Variants in KIRREL3 observed in about 807,000 individuals in gnomAD.
KIRREL3 encodes the protein kin of IRRE-like protein 3.
Under a neutral mutation model 89.7 loss-of-function variants are expected in KIRREL3, and 36 were observed. The observed-to-expected ratio is 0.40, with a 90% CI of 0.31 to 0.53. The LOEUF is 0.53. Ranked by LOEUF, KIRREL3 falls within the 20% of genes least tolerant of loss-of-function variation. The pLI is 0.49. For synonymous variants in KIRREL3, 445 were observed against 441.4 expected (o/e 1.01, Z -0.10); for missense variants, 864 against 1,056.6 (o/e 0.82, Z 2.53).
chr11:126,523,091 C>A lies in KIRREL3; in HGVS notation c.284-1627G>T, dbSNP rs1958646204. On this transcript the variant is annotated intron_variant, in intron 3 of 16. Coordinates refer to ENST00000525144, the MANE Select transcript of KIRREL3 (RefSeq NM_032531.4). This position sits in a 1 kb window ranked among gnomAD's most constrained non-coding sequence, Gnocchi z 4.9. ...CCTGAGCTCCCAAGGGCAGCACCAG[C>A]ACCAACAGGCAGAATTCACATGGGG... is the stretch of plus-strand genomic sequence containing the variant. Among the ~76,000 whole-genome samples, 1 of 152,202 alleles carries A rather than the reference C, an allele frequency of 6.6e-6. No homozygotes were observed.
At position 126,803,923 on chromosome 11, in the gene KIRREL3, C is replaced by T. The variant is rs1235793041; in HGVS notation, c.55+196532G>A. On this transcript the variant is annotated intron_variant, in intron 1 of 16. Transcript: ENST00000525144. ...TAATAACATCAAATTGGAAGCGGGC[C>T]CTTTGTGGTCAGACATAGCTGAGTG... Among the ~76,000 whole-genome samples, 4 of 152,162 alleles carry T rather than the reference C, an allele frequency of 2.6e-5. No individual in the cohort carries two copies. The East Asian group carries it at 7.7e-4, about 29-fold the overall frequency.
rs534684098 is a variant in KIRREL3 at position 126,515,140 on chromosome 11, G to T, written c.433+6175C>A. On this transcript the variant is annotated intron_variant, in intron 4 of 16. Coordinates refer to ENST00000525144, the MANE Select transcript of KIRREL3 (RefSeq NM_032531.4). This position sits in a 1 kb window ranked among gnomAD's most constrained non-coding sequence, Gnocchi z 4.2. ...GACCTGTAATCAAGGTGCATAAGGAGGCTGGGCGCGATGGCTCACGCCTGT... is the reference window on the plus strand; with the variant it reads ...GACCTGTAATCAAGGTGCATAAGGATGCTGGGCGCGATGGCTCACGCCTGT... 3.9e-4 allele frequency among the ~76,000 whole-genome samples: 60 copies of T among 152,340 alleles called. No homozygotes were observed. The highest frequency in any genetic ancestry group is 1.3e-3 in the African/African-American group (56 of 41,584).
At chr11:126,675,777 AG>A (rs1440405443) in intron 1 of KIRREL3, among the ~76,000 whole-genome samples, 2 of 152,172 alleles carry the variant, frequency 1.3e-5, no homozygotes, top group African/African-American at 4.8e-5. Flanking sequence ...CTGTAGGTAA[AG>A]GGAAGTCATT....
intron 1 of KIRREL3, among the ~76,000 whole-genome samples, chr11:126,973,286 A>G (rs2135221898): frequency 6.6e-6 from 1 of 152,246 alleles, no homozygotes; most frequent in South Asian, 2.1e-4. Flanking sequence ...GCCAAGTTCA[A>G]GCTGACCCAA....
In KIRREL3 at chr11:126,754,676, C is replaced by T. The variant is rs1019800830; in HGVS notation, c.56-191764G>A. On this transcript the variant is annotated intron_variant, in intron 1 of 16. Transcript: ENST00000525144. The surrounding 1 kb of genome is among the most constrained non-coding windows in gnomAD (Gnocchi z 5.1). ...GTCAGGTGGCTGTGTTGTCTTCTTT[C>T]TGAGTTGTCTTCTCTCTTCTCCTTC... is the stretch of plus-strand genomic sequence containing the variant. Among the ~76,000 whole-genome samples the T allele has an allele frequency of 6.6e-6, 1 of 152,044 alleles. No individual in the cohort carries two copies. Among genetic ancestry groups the T allele is most frequent in the African/African-American group, 2.4e-5 (1 of 41,388 alleles).
In KIRREL3 at chr11:126,423,472, A is replaced by C. The variant is rs1954801863; in HGVS notation, c.*1108T>G. On this transcript the variant is annotated 3_prime_UTR_variant, in exon 17 of 17. Transcript: ENST00000525144. ...TGGGTTCTTCCTGTGGCTTTGTAGGAACAAAAGAACAGAACAAACATGTTG... is the reference window on the plus strand; with the variant it reads ...TGGGTTCTTCCTGTGGCTTTGTAGGCACAAAAGAACAGAACAAACATGTTG... The C allele has an allele frequency of 6.6e-6, 1 of 152,192 alleles. No individual in the cohort carries two copies. Among genetic ancestry groups the C allele is most frequent in the African/African-American group, 2.4e-5 (1 of 41,434 alleles). The allele number at this position is 152,192 out of a possible 1,614,324, so 9.4% of individuals were successfully genotyped here.
chr11:126,596,757 T>C (rs964697022), intron 1 of KIRREL3, among the ~76,000 whole-genome samples: 1 of 152,164 alleles, frequency 6.6e-6, no homozygotes, highest in Non-Finnish European at 1.5e-5. Context: ...GCTTTCTTCT[T>C]CCAGGAAGGG....
At chr11:126,871,436 A>G (rs1313789592) in intron 1 of KIRREL3, among the ~76,000 whole-genome samples, 1 of 152,160 alleles carries the variant, frequency 6.6e-6, no homozygotes, top group Non-Finnish European at 1.5e-5. Context: ...AAGGCTTCAT[A>G]TTTGCACAAA....
rs139065030 is a variant in KIRREL3, at chr11:126,647,923, A to C, written c.56-85011T>G. Among the ~76,000 whole-genome samples the C allele has an allele frequency of 8.8e-4, 133 of 150,768 alleles. 1 individual carries two copies. Among genetic ancestry groups the C allele is most frequent in the African/African-American group, 3.1e-3 (127 of 41,002 alleles). On this transcript the variant is annotated intron_variant, in intron 1 of 16. Coordinates refer to ENST00000525144, the MANE Select transcript of KIRREL3 (RefSeq NM_032531.4). The surrounding 1 kb of genome is among the most constrained non-coding windows in gnomAD (Gnocchi z 4.9). ...GTTGTTACACTTTGACTTAATCTTC[A>C]CTCTTCCTTTTGCTTGCTTATACAG...
In KIRREL3 at chr11:126,605,206, C is replaced by A. The variant is rs1396810250; in HGVS notation, c.56-42294G>T. ...CCCCATGGATAACTATATCTAGGGA[C>A]CGACTCCTGGGATCTTACCAAGTCA... On this transcript the variant is annotated intron_variant, in intron 1 of 16. Transcript: ENST00000525144. This position sits in a 1 kb window ranked among gnomAD's most constrained non-coding sequence, Gnocchi z 5.7. 6.6e-6 allele frequency among the ~76,000 whole-genome samples: 1 copy of A among 152,130 alleles called. No homozygotes were observed. The highest frequency in any genetic ancestry group is 1.5e-5 in the Non-Finnish European group (1 of 68,036).
At chr11:126,602,094 C>T (rs471302) in intron 1 of KIRREL3, among the ~76,000 whole-genome samples, 61,217 of 152,060 alleles carry the variant, frequency 0.4, 12,449 homozygotes, top group South Asian at 0.54. Flanking sequence ...GAGTAGCCCC[C>T]TCCTTTCTCG....
At chr11:126,786,044 C>G (rs1005564761) in intron 1 of KIRREL3, among the ~76,000 whole-genome samples, 1 of 151,948 alleles carries the variant, frequency 6.6e-6, no homozygotes, top group African/African-American at 2.4e-5. Context: ...TAATCCTAAG[C>G]ACTAAAAAAA....
chr11:126,970,337 A>G lies in KIRREL3; in HGVS notation c.55+30118T>C, dbSNP rs1158148029. Among the ~76,000 whole-genome samples, 1 of 151,934 alleles carries G rather than the reference A, an allele frequency of 6.6e-6. No homozygotes were observed. Among genetic ancestry groups the G allele is most frequent in the Non-Finnish European group, 1.5e-5 (1 of 67,984 alleles). On this transcript the variant is annotated intron_variant, in intron 1 of 16. Coordinates refer to ENST00000525144, the MANE Select transcript of KIRREL3 (RefSeq NM_032531.4). This position sits in a 1 kb window ranked among gnomAD's most constrained non-coding sequence, Gnocchi z 4.4. The stretch of plus-strand genomic sequence containing the variant: ...TTCCCTTTCTTTTCTCTCTCACATT[A>G]TCTTGTTTATGAAACACTGCTCTTT...
chr11:126,859,357 G>T (rs546411115), intron 1 of KIRREL3, among the ~76,000 whole-genome samples: 1 of 152,284 alleles, frequency 6.6e-6, no homozygotes, highest in African/African-American at 2.4e-5. Context: ...CTTATTCAAG[G>T]TCACTGAGCA....
At position 126,763,792 on chromosome 11, in the gene KIRREL3, A is replaced by G. The variant is rs115390264; in HGVS notation, c.56-200880T>C. Among the ~76,000 whole-genome samples the G allele has an allele frequency of 0.03, 4,536 of 152,236 alleles. 220 individuals carry two copies. Among genetic ancestry groups the G allele is most frequent in the African/African-American group, 0.1 (4,153 of 41,518 alleles). Reference sequence around the variant, plus strand: ...CTTGTCCACAAAGCACTTGACACACAGTAGGCACTGAGTAAATTCTAGCTT... The same window carrying G: ...CTTGTCCACAAAGCACTTGACACACGGTAGGCACTGAGTAAATTCTAGCTT... On this transcript the variant is annotated intron_variant, in intron 1 of 16. Coordinates refer to ENST00000525144, the MANE Select transcript of KIRREL3 (RefSeq NM_032531.4). This position sits in a 1 kb window ranked among gnomAD's most constrained non-coding sequence, Gnocchi z 4.7.
At chr11:126,500,706 CTA>C (rs1274980121) in intron 4 of KIRREL3, among the ~76,000 whole-genome samples, 1 of 143,124 alleles carries the variant, frequency 7.0e-6, no homozygotes, top group Non-Finnish European at 1.5e-5. Flanking sequence ...CACCACTGCA[CTA>C]TAGCCTGGGC....
At chr11:126,961,844 T>C (rs1275717824) in intron 1 of KIRREL3, among the ~76,000 whole-genome samples, 12 of 152,232 alleles carry the variant, frequency 7.9e-5, no homozygotes, top group Admixed American at 7.8e-4. Context: ...CTAACATAAC[T>C]GGTGACTTTA....
chr11:126,554,874 G>A (rs1939582524), intron 2 of KIRREL3, among the ~76,000 whole-genome samples: 1 of 152,146 alleles, frequency 6.6e-6, no homozygotes, highest in South Asian at 2.1e-4. Context: ...ACAAGCGGCT[G>A]AGCGTCAGGG....
At chr11:126,567,904 A>G (rs1432576755) in intron 1 of KIRREL3, among the ~76,000 whole-genome samples, 1 of 152,046 alleles carries the variant, frequency 6.6e-6, no homozygotes, top group African/African-American at 2.4e-5. Flanking sequence ...CTACCTCACC[A>G]TTTCTGAGGC....
Sources: gnomAD v4.1 joint callset for allele counts (sites outside exome capture counted in the v4.1 genomes callset) on GRCh38, gnomAD v4.1.1 for gene constraint, Gnocchi (gnomAD v3.1) non-coding constraint, MANE v1.5 for transcripts, NCBI Gene and HGNC (gene_info 2026-07-23, HGNC 2026-07-21) for gene names.